Variants in CDK5RAP2 observed in about 807,000 individuals in gnomAD.
CDK5RAP2 encodes CDK5 regulatory subunit associated protein 2.
A neutral mutation model predicts 232.9 loss-of-function variants in CDK5RAP2; 147 were observed. The ratio of observed to expected loss-of-function variants is 0.63; its 90% confidence interval spans 0.55 to 0.72. CDK5RAP2 has a LOEUF of 0.72. Ranked by LOEUF, CDK5RAP2 falls within the 30% of genes least tolerant of loss-of-function variation. The pLI is 0.00. For synonymous variants in CDK5RAP2, 833 were observed against 833.7 expected (o/e 1.00, Z 0.01); for missense variants, 2,195 against 2,231.5 (o/e 0.98, Z 0.33).
At chr9:120,389,718 G>A (rs1564155348) in intron 37 of CDK5RAP2, 23 bp downstream of exon 37, 1 of 1,612,912 alleles carries the variant, frequency 6.2e-7, no homozygotes, top group Non-Finnish European at 8.5e-7. Context: ...CTGGCCTGCA[G>A]TGAAAAGACT....
chr9:120,530,193 T>C, intron 7 of CDK5RAP2, 53 bp from the exon 8 acceptor site: 1 of 1,411,802 alleles, frequency 7.1e-7, no homozygotes, highest in African/African-American at 1.4e-5. Flanking sequence ...CTTAGCTCAG[T>C]GGAGCTGGAG....
chr9:120,402,371 G>C (rs971584142), intron 34 of CDK5RAP2, among the ~76,000 whole-genome samples: 3 of 152,190 alleles, frequency 2.0e-5, no homozygotes, highest in Non-Finnish European at 4.4e-5. Context: ...TTCATGAACA[G>C]AGATAGAATT....
chr9:120,553,454 T>C (rs1469968334), intron 3 of CDK5RAP2, among the ~76,000 whole-genome samples: 1 of 152,252 alleles, frequency 6.6e-6, no homozygotes, highest in Non-Finnish European at 1.5e-5. Flanking sequence ...CTCTGTTTCA[T>C]ACATTTTTAA....
chr9:120,554,794 C>T (rs994562652), intron 3 of CDK5RAP2, among the ~76,000 whole-genome samples: 4 of 152,000 alleles, frequency 2.6e-5, no homozygotes, highest in Non-Finnish European at 4.4e-5. Flanking sequence ...CCACCATGCC[C>T]GGCTAATTTT....
intron 12 of CDK5RAP2, among the ~76,000 whole-genome samples, chr9:120,514,968 C>T (rs1001794626): frequency 2.6e-5 from 4 of 152,022 alleles, no homozygotes; most frequent in South Asian, 2.1e-4. Context: ...ACAGTATATA[C>T]GCTTGATGTA....
chr9:120,467,653 T>C (rs1410129630), intron 18 of CDK5RAP2, among the ~76,000 whole-genome samples: 2 of 152,168 alleles, frequency 1.3e-5, no homozygotes, highest in East Asian at 1.9e-4. Flanking sequence ...ATGGTTTTGA[T>C]GGTTTTTTTT....
At chr9:120,559,627 T>C (rs1325583709) in intron 3 of CDK5RAP2, among the ~76,000 whole-genome samples, 1 of 133,518 alleles carries the variant, frequency 7.5e-6, no homozygotes, top group Non-Finnish European at 1.6e-5. Context: ...TACAATACAG[T>C]AGGAATAATT....
At chr9:120,470,436 T>C (rs898475351) in intron 16 of CDK5RAP2, among the ~76,000 whole-genome samples, 3 of 152,176 alleles carry the variant, frequency 2.0e-5, no homozygotes, top group African/African-American at 2.4e-5. Flanking sequence ...TTTCAATGTA[T>C]GGTTTCATCT....
intron 35 of CDK5RAP2, among the ~76,000 whole-genome samples, chr9:120,397,213 T>G (rs2063944828): frequency 6.6e-6 from 1 of 152,030 alleles, no homozygotes; most frequent in Admixed American, 6.6e-5. Flanking sequence ...TCTCAAACAT[T>G]TACGAAAGCA....
intron 20 of CDK5RAP2, among the ~76,000 whole-genome samples, chr9:120,454,666 CA>C (rs1170915579): frequency 6.6e-6 from 1 of 152,186 alleles, no homozygotes; most frequent in African/African-American, 2.4e-5. Context: ...GGGCTTTTTC[CA>C]AAGCTCTGTG....
chr9:120,497,441 A>G (rs2039355767), intron 12 of CDK5RAP2, among the ~76,000 whole-genome samples: 1 of 144,564 alleles, frequency 6.9e-6, no homozygotes, highest in Non-Finnish European at 1.5e-5. Flanking sequence ...AAAAAAAAAA[A>G]AAAAAAAAAA....
intron 1 of CDK5RAP2, among the ~76,000 whole-genome samples, chr9:120,573,237 T>G (rs894222514): frequency 6.6e-6 from 1 of 152,114 alleles, no homozygotes; most frequent in Middle Eastern, 3.4e-3. Context: ...ATTCCAACAT[T>G]AAGAAAATGA....
intron 25 of CDK5RAP2, among the ~76,000 whole-genome samples, chr9:120,426,166 T>C (rs2034885990): frequency 6.6e-6 from 1 of 152,328 alleles, no homozygotes; most frequent in East Asian, 1.9e-4. Flanking sequence ...AACCATGACA[T>C]GCATGCCCCA....
chr9:120,459,645 AG>A (rs1216414116), intron 19 of CDK5RAP2, among the ~76,000 whole-genome samples: 1 of 152,226 alleles, frequency 6.6e-6, no homozygotes, highest in Non-Finnish European at 1.5e-5. Flanking sequence ...TAATCCTAAA[AG>A]GAAGTATTAC....
chr9:120,454,931 C>T (rs939748333), intron 20 of CDK5RAP2, among the ~76,000 whole-genome samples: 1 of 152,186 alleles, frequency 6.6e-6, no homozygotes, highest in African/African-American at 2.4e-5. Flanking sequence ...GATGTCAAAT[C>T]CCAAATAAAT....
chr9:120,477,522 A>G lies in CDK5RAP2; in HGVS notation c.1627-72T>C, dbSNP rs2038080945. 3.5e-6 allele frequency: 4 copies of G among 1,144,896 alleles called. No homozygotes were observed. The East Asian group carries it at 7.0e-5, about 20-fold the overall frequency. 70.9% of individuals were successfully genotyped at this position (1,144,896 alleles called of 1,614,324 possible). A position where few individuals can be genotyped will look rare whatever the true frequency, so the allele number is the denominator to read the frequency against. On this transcript the variant is annotated intron_variant, in intron 14 of 37. Transcript: ENST00000349780. ...GAGTACATCCTTATATTATGCAAAC[A>G]TATGTAGCTAGTCCCAGTTTTTAAA...
At chr9:120,448,359 T>C (rs1290130551) in intron 21 of CDK5RAP2, among the ~76,000 whole-genome samples, 2 of 152,220 alleles carry the variant, frequency 1.3e-5, no homozygotes, top group East Asian at 3.8e-4. Flanking sequence ...GGCCCTGGCC[T>C]ATCGTCTCTC....
At chr9:120,487,488 T>G (rs953622596) in intron 13 of CDK5RAP2, 51 bp from the exon 14 acceptor site, 1 of 1,405,190 alleles carries the variant, frequency 7.1e-7, no homozygotes, top group Admixed American at 2.1e-5. Flanking sequence ...AAAAAAAATA[T>G]TAAGAAACTG....
At chr9:120,409,414 G>T (rs951554169) in intron 29 of CDK5RAP2, 98 bp from the exon 30 acceptor site, 11 of 895,036 alleles carry the variant, frequency 1.2e-5, no homozygotes, top group Non-Finnish European at 1.6e-5. Context: ...AAAAGAATGA[G>T]ATTCGATCTG....
Sources: gnomAD v4.1 joint callset for allele counts (sites outside exome capture counted in the v4.1 genomes callset) on GRCh38, gnomAD v4.1.1 for gene constraint, MANE v1.5 for transcripts, NCBI Gene and HGNC (gene_info 2026-07-23, HGNC 2026-07-21) for gene names.